FAM135A: variants seen among roughly 807,000 people sequenced by gnomAD.
FAM135A encodes the protein protein FAM135A.
A neutral mutation model predicts 146.8 loss-of-function variants in FAM135A; 79 were observed. The observed-to-expected ratio is 0.54, with a 90% CI of 0.45 to 0.65. The LOEUF is 0.65. Ranked by LOEUF, FAM135A falls within the 30% of genes least tolerant of loss-of-function variation. The probability of loss-of-function intolerance (pLI) is 0.00; values close to 1 mark genes in which losing one functional copy is unlikely to be tolerated. For missense variants in FAM135A, 1,623 were observed against 1,758.2 expected, an observed-to-expected ratio of 0.92 and a Z score of 1.38; for synonymous variants, 562 against 603.6, an observed-to-expected ratio of 0.93 and a Z score of 1.01.
chr6:70,450,355 A>T (rs1276128618), intron 4 of FAM135A, among the ~76,000 whole-genome samples: 1 of 152,156 alleles, frequency 6.6e-6, no homozygotes, highest in East Asian at 1.9e-4. Flanking sequence ...GAACAATGTG[A>T]TGGAGATTTC....
chr6:70,506,345 G>A (rs1309909951), intron 12 of FAM135A, among the ~76,000 whole-genome samples: 3 of 152,110 alleles, frequency 2.0e-5, no homozygotes, highest in African/African-American at 7.2e-5. Flanking sequence ...AATTTTCTAT[G>A]CTGTAAAACA....
intron 20 of FAM135A, among the ~76,000 whole-genome samples, chr6:70,552,572 G>A (rs1011633269): frequency 6.7e-5 from 10 of 149,930 alleles, no homozygotes; most frequent in Middle Eastern, 3.4e-3. Context: ...GGGTTCAAGC[G>A]ATTTTCCTGC....
At chr6:70,552,554 C>T (rs1800035725) in intron 20 of FAM135A, among the ~76,000 whole-genome samples, 2 of 150,876 alleles carry the variant, frequency 1.3e-5, no homozygotes, top group South Asian at 2.1e-4. Flanking sequence ...CTGCAACCTC[C>T]GCCTTCTGGG....
intron 20 of FAM135A, among the ~76,000 whole-genome samples, chr6:70,546,751 A>G (rs2128468850): frequency 6.6e-6 from 1 of 152,308 alleles, no homozygotes; most frequent in South Asian, 2.1e-4. Context: ...ACAATTATAA[A>G]CATTCATTAA....
At chr6:70,547,137 G>A (rs977125736) in intron 20 of FAM135A, among the ~76,000 whole-genome samples, 1 of 152,054 alleles carries the variant, frequency 6.6e-6, no homozygotes, top group African/African-American at 2.4e-5. Context: ...GTTGAATTCT[G>A]ACAAATAAAG....
At chr6:70,439,671 GCT>G (rs949861572) in intron 4 of FAM135A, among the ~76,000 whole-genome samples, 5 of 151,956 alleles carry the variant, frequency 3.3e-5, no homozygotes, top group African/African-American at 1.2e-4. Context: ...CTCTTCATTT[GCT>G]CTCCTATACT....
chr6:70,503,696 T>G (rs1789095523), intron 12 of FAM135A: 1 of 152,196 alleles, frequency 6.6e-6, no homozygotes, highest in South Asian at 2.1e-4. Flanking sequence ...GTATGCACAC[T>G]AAATAGAGGT....
intron 10 of FAM135A, among the ~76,000 whole-genome samples, chr6:70,485,958 T>A (rs1458226971): frequency 1.3e-5 from 2 of 152,238 alleles, no homozygotes; most frequent in African/African-American, 2.4e-5. Flanking sequence ...CATATTGGAT[T>A]ATGAAATGTT....
At chr6:70,500,737 C>T (rs1009078786) in intron 11 of FAM135A, among the ~76,000 whole-genome samples, 1 of 152,158 alleles carries the variant, frequency 6.6e-6, no homozygotes, top group Non-Finnish European at 1.5e-5. Context: ...CAGTAAGGCC[C>T]CTCTGCTGCA....
rs776138990 is a variant in FAM135A at position 70,533,194 on chromosome 6, C to T, written c.3810C>T (p.Tyr1270=). ...CAGATCTCCGATTAGTAAAAACTTA[C>T]ATTGAACTTGGATTGCCTGGGGGAA... ...NSADLRLVKT[Y]IELGLPGGRI... Residue 1270 remains tyrosine, a synonymous_variant, in exon 17 of 22, where the codon TAC becomes TAT. Transcript: ENST00000418814. The T allele has an allele frequency of 3.1e-6, 5 of 1,612,794 alleles. No homozygotes were observed. The highest frequency in any genetic ancestry group is 4.2e-6 in the Non-Finnish European group (5 of 1,179,372).
intron 2 of FAM135A, among the ~76,000 whole-genome samples, chr6:70,424,935 G>T (rs919259653): frequency 6.6e-6 from 1 of 151,912 alleles, no homozygotes; most frequent in Non-Finnish European, 1.5e-5. Flanking sequence ...CTAGTACCAC[G>T]TTTTAGGATT....
chr6:70,526,083 G>T lies in FAM135A; in HGVS notation c.2999G>T (p.Ser1000Ile), dbSNP rs774606652. 1 of 1,612,850 alleles carries T rather than the reference G, an allele frequency of 6.2e-7. No homozygotes were observed. The highest frequency in any genetic ancestry group is 2.2e-5 in the East Asian group (1 of 44,858). ...VSEDRTMKKN[S>I]DVLNLTQMYS... ...GAAGATAGAACTATGAAAAAAAATA[G>T]TGATGTATTAAATCTCACACAGATG... The change falls in exon 15 of 22, where the codon AGT (serine) becomes ATT (isoleucine). Residue 1000 changes from serine (S) to isoleucine (I), a missense_variant. Coordinates refer to ENST00000418814, the MANE Select transcript of FAM135A (RefSeq NM_001162529.3).
chr6:70,418,770 CAGAT>C (rs1211060072), intron 2 of FAM135A, among the ~76,000 whole-genome samples: 1 of 152,220 alleles, frequency 6.6e-6, no homozygotes, highest in Non-Finnish European at 1.5e-5. Flanking sequence ...GACTATAACT[CAGAT>C]AGTCGGGCTG....
chr6:70,532,806 C>T (rs1796075577), intron 16 of FAM135A, among the ~76,000 whole-genome samples: 1 of 152,138 alleles, frequency 6.6e-6, no homozygotes, highest in African/African-American at 2.4e-5. Flanking sequence ...GTGGGATGCA[C>T]CTGTAGTCCC....
At chr6:70,508,121 ACT>A (rs1347204627) in intron 12 of FAM135A, among the ~76,000 whole-genome samples, 3 of 152,060 alleles carry the variant, frequency 2.0e-5, no homozygotes, top group Admixed American at 2.0e-4. Flanking sequence ...CAGGAGAAAA[ACT>A]CTGTGCTTAG....
At chr6:70,517,205 A>G (rs1442436148) in intron 12 of FAM135A, among the ~76,000 whole-genome samples, 1 of 152,156 alleles carries the variant, frequency 6.6e-6, no homozygotes, top group Non-Finnish European at 1.5e-5. Flanking sequence ...TTATGTGTAT[A>G]TATACAAACC....
chr6:70,469,167 G>A lies in FAM135A; in HGVS notation c.158-6243G>A, dbSNP rs552748342. Among the ~76,000 whole-genome samples, 7 of 152,146 alleles carry A rather than the reference G, an allele frequency of 4.6e-5. No homozygotes were observed. The South Asian group carries it at 6.2e-4, about 14-fold the overall frequency. ...GTTAGGATGTAAGCTCTATGAGGTC[G>A]GAGATTTTTATCTCTTTCATTTAAC... On this transcript the variant is annotated intron_variant, in intron 5 of 21. Coordinates refer to ENST00000418814, the MANE Select transcript of FAM135A (RefSeq NM_001162529.3).
rs139813735 is a variant in FAM135A, at chr6:70,501,736, C to T, written c.874-900C>T. On this transcript the variant is annotated intron_variant, in intron 11 of 21. Coordinates refer to ENST00000418814, the MANE Select transcript of FAM135A (RefSeq NM_001162529.3). The stretch of plus-strand genomic sequence containing the variant: ...CTTTGCTTGGCTTGGGGAGGGAGGT[C>T]CCCTGGCTTCTCGTAACGCCCCACC... Among the ~76,000 whole-genome samples the T allele has an allele frequency of 2.0e-3, 298 of 152,212 alleles. 1 individual carries two copies. Among genetic ancestry groups the T allele is most frequent in the African/African-American group, 6.6e-3 (276 of 41,536 alleles).
At position 70,533,196 on chromosome 6, in the gene FAM135A, T is replaced by C; in HGVS notation, c.3812T>C (p.Ile1271Thr). The C allele has an allele frequency of 6.2e-7, 1 of 1,612,984 alleles. No individual in the cohort carries two copies. The highest frequency in any genetic ancestry group is 8.5e-7 in the Non-Finnish European group (1 of 1,179,458). ...SADLRLVKTY[I>T]ELGLPGGRID... Reference sequence around the variant, plus strand: ...GATCTCCGATTAGTAAAAACTTACATTGAACTTGGATTGCCTGGGGGAAGA... The same window carrying C: ...GATCTCCGATTAGTAAAAACTTACACTGAACTTGGATTGCCTGGGGGAAGA... Residue 1271 changes from isoleucine (I) to threonine (T), a missense_variant, in exon 17 of 22, where the codon ATT becomes ACT. By Grantham distance (89) the Ile-to-Thr change is moderately conservative. This residue lies in a region of FAM135A where 1,061 missense variants were observed against 1,113.8 expected (regional missense o/e 0.95). Transcript: ENST00000418814.
Sources: gnomAD v4.1 joint callset for allele counts (sites outside exome capture counted in the v4.1 genomes callset) on GRCh38, gnomAD v4.1.1 for gene constraint, gnomAD v4.1.1 regional missense constraint, MANE v1.5 for transcripts, NCBI Gene and HGNC (gene_info 2026-07-23, HGNC 2026-07-21) for gene names.